The following HTT variants were observed in gnomAD, a reference collection of about 807,000 sequenced individuals.
The protein encoded by HTT is huntington disease protein.
HTT carries 104 observed loss-of-function variants against 362.3 expected under a neutral mutation model. The observed-to-expected ratio is 0.29, with a 90% CI of 0.24 to 0.34. The LOEUF (loss-of-function observed/expected upper bound fraction) is 0.34, where lower values mean the gene tolerates loss of function less well. Among genes scored for constraint, HTT ranks in the 10% least tolerant of loss-of-function variants. HTT has a pLI of 1.00. For synonymous variants in HTT, 1,577 were observed against 1,548.7 expected (o/e 1.02, Z -0.43); for missense variants, 3,301 against 3,928.6 (o/e 0.84, Z 4.27).
At position 3,087,030 on chromosome 4, in the gene HTT, C is replaced by G. The variant is rs765541508; in HGVS notation, c.347+8C>G. 2.0e-6 allele frequency: 3 copies of G among 1,495,328 alleles called. No individual in the cohort carries two copies. Among genetic ancestry groups the G allele is most frequent in the Admixed American group, 1.7e-5 (1 of 59,488 alleles). 92.6% of individuals were successfully genotyped at this position (1,495,328 alleles called of 1,614,324 possible). A position where few individuals can be genotyped will look rare whatever the true frequency, so the allele number is the denominator to read the frequency against. ...AGTGGCACAGTCTGTCAGGTAATTG[C>G]ACTTTGAACTGTCTAGAGAAAATAA... is the stretch of plus-strand genomic sequence containing the variant. On this transcript the variant is annotated splice_region_variant and intron_variant, in intron 2 of 66. Transcript: ENST00000355072.
chr4:3,127,616 GA>G lies in HTT; in HGVS notation c.1743+13del. 1 of 1,574,166 alleles carries G rather than the reference GA, an allele frequency of 6.4e-7. No individual in the cohort carries two copies. The highest frequency in any genetic ancestry group is 8.7e-7 in the Non-Finnish European group (1 of 1,147,132). The stretch of plus-strand genomic sequence containing the variant: ...ACAGTTCTGAAATTGTAAGTGGGCA[GA>G]GGGGCCTGACATCTTTTTTTTTATT... On this transcript the variant is annotated intron_variant, in intron 12 of 66. Transcript: ENST00000355072.
At chr4:3,100,820 CG>C (rs1286590638) in intron 3 of HTT, among the ~76,000 whole-genome samples, 1 of 152,186 alleles carries the variant, frequency 6.6e-6, no homozygotes, top group Non-Finnish European at 1.5e-5. Flanking sequence ...CTTGAGCTAC[CG>C]GGCTCAAGCT....
chr4:3,075,158 T>C (rs1712448886), intron 1 of HTT, 70 bp downstream of exon 1: 1 of 1,183,480 alleles, frequency 8.4e-7, no homozygotes, highest in Non-Finnish European at 1.0e-6. Flanking sequence ...GCGGTAACCC[T>C]GCAGCCTGCG....
intron 42 of HTT, among the ~76,000 whole-genome samples, 172 bp downstream of exon 42, chr4:3,204,320 G>C (rs976129786): frequency 2.6e-5 from 4 of 152,166 alleles, no homozygotes; most frequent in Admixed American, 6.5e-5. Context: ...CATATAATTG[G>C]AGACCAGGCC....
chr4:3,172,404 G>A lies in HTT; in HGVS notation c.3942+7G>A, dbSNP rs1012731075. The A allele has an allele frequency of 1.2e-5, 19 of 1,584,800 alleles. 2 individuals carry two copies. In the Admixed American group the frequency reaches 1.8e-4, roughly 15 times the overall value. On this transcript the variant is annotated splice_region_variant and intron_variant, in intron 30 of 66. Coordinates refer to ENST00000355072, the MANE Select transcript of HTT (RefSeq NM_001388492.1). ...AACTGTTTGTGTTCAACAAGTAAGA[G>A]CTTCATTCTTTTCCTCTTCTGTTAA...
At chr4:3,086,798 C>A in intron 1 of HTT, 141 bp from the exon 2 acceptor site, 2 of 543,958 alleles carry the variant, frequency 3.7e-6, no homozygotes, top group Non-Finnish European at 6.8e-6. Context: ...CTGTCCAGAT[C>A]CCCATTCTGC....
chr4:3,209,597 G>A (rs1249518602), intron 46 of HTT, among the ~76,000 whole-genome samples: 1 of 152,174 alleles, frequency 6.6e-6, no homozygotes, highest in Non-Finnish European at 1.5e-5. Flanking sequence ...AGGCCTATTG[G>A]AAGTTCACCA....
chr4:3,180,059 A>G (rs928216317), intron 35 of HTT, among the ~76,000 whole-genome samples: 3 of 152,234 alleles, frequency 2.0e-5, no homozygotes, highest in Admixed American at 6.5e-5. Flanking sequence ...TCCCTTATCT[A>G]TCTAATGACA....
chr4:3,109,788 T>C (rs1460631677), intron 6 of HTT, among the ~76,000 whole-genome samples: 1 of 152,158 alleles, frequency 6.6e-6, no homozygotes, highest in Non-Finnish European at 1.5e-5. Context: ...TGTACCTTCA[T>C]GGCCATAGCT....
At chr4:3,172,423 C>T in intron 30 of HTT, 26 bp downstream of exon 30, 1 of 1,484,872 alleles carries the variant, frequency 6.7e-7, no homozygotes, top group Non-Finnish European at 9.4e-7. Context: ...TTTTCCTCTT[C>T]TGTTAAGACG....
At chr4:3,079,374 A>C (rs1225925827) in intron 1 of HTT, among the ~76,000 whole-genome samples, 1 of 151,050 alleles carries the variant, frequency 6.6e-6, no homozygotes, top group Non-Finnish European at 1.5e-5. Flanking sequence ...CTCCCACCTC[A>C]ACCTCACAAT....
At position 3,181,001 on chromosome 4, in the gene HTT, C is replaced by A. The variant is rs192515726; in HGVS notation, c.4749+350C>A. Among the ~76,000 whole-genome samples, 58 of 151,690 alleles carry A rather than the reference C, an allele frequency of 3.8e-4. No individual in the cohort carries two copies. The East Asian group carries it at 0.01, about 27-fold the overall frequency. ...AAGCAATTCTCCTGCCTCCACCTCC[C>A]GAGTAGCTGGGATTACAGGCATGCA... On this transcript the variant is annotated intron_variant, in intron 36 of 66. Coordinates refer to ENST00000355072, the MANE Select transcript of HTT (RefSeq NM_001388492.1).
intron 29 of HTT, among the ~76,000 whole-genome samples, chr4:3,169,370 C>T (rs1231871629): frequency 6.6e-6 from 1 of 152,024 alleles, no homozygotes; most frequent in Non-Finnish European, 1.5e-5. Flanking sequence ...CTCCTTTTTT[C>T]CCTCTCTTAA....
chr4:3,206,448 C>T lies in HTT; in HGVS notation c.5719-48C>T. On this transcript the variant is annotated intron_variant, in intron 42 of 66. Coordinates refer to ENST00000355072, the MANE Select transcript of HTT (RefSeq NM_001388492.1). The surrounding 1 kb of genome is among the most constrained non-coding windows in gnomAD (Gnocchi z 4.6). ...CCTTTCTATGGCATTAATACCTGGTCTCTTCTTGTGTACTTGAAAATGAAT... is the reference window on the plus strand; with the variant it reads ...CCTTTCTATGGCATTAATACCTGGTTTCTTCTTGTGTACTTGAAAATGAAT... The T allele has an allele frequency of 1.3e-6, 2 of 1,481,748 alleles. No individual in the cohort carries two copies. Among genetic ancestry groups the T allele is most frequent in the Middle Eastern group, 1.7e-4 (1 of 5,774 alleles). The allele number at this position is 1,481,748 out of a possible 1,614,324, so 91.8% of individuals were successfully genotyped here.
chr4:3,174,424 C>G (rs1019022631), intron 31 of HTT, among the ~76,000 whole-genome samples: 1 of 152,236 alleles, frequency 6.6e-6, no homozygotes, highest in Non-Finnish European at 1.5e-5. Flanking sequence ...TCTCAAATCT[C>G]ACTTAAGACT....
In HTT at chr4:3,121,204, A is replaced by G. The variant is rs185461975; in HGVS notation, c.1069-24A>G. On this transcript the variant is annotated intron_variant, in intron 8 of 66. Coordinates refer to ENST00000355072, the MANE Select transcript of HTT (RefSeq NM_001388492.1). ...ATGCATTTTATAAACTCTGACCAGA[A>G]CACCTGTGTTTCTCTGTTTCTAGGT... is the stretch of plus-strand genomic sequence containing the variant. 5.2e-5 allele frequency: 82 copies of G among 1,579,566 alleles called. 1 individual carries two copies. In the East Asian group the frequency reaches 5.4e-4, roughly 10 times the overall value.
At chr4:3,211,808 A>C (rs1720172841) in intron 47 of HTT, 121 bp from the exon 48 acceptor site, 6 of 688,256 alleles carry the variant, frequency 8.7e-6, no homozygotes, top group Admixed American at 2.7e-5. Flanking sequence ...TTGATGGTAT[A>C]CCAATTTGTA....
At chr4:3,184,304 G>A (rs1718657501) in intron 37 of HTT, among the ~76,000 whole-genome samples, 1 of 152,094 alleles carries the variant, frequency 6.6e-6, no homozygotes, top group East Asian at 1.9e-4. Flanking sequence ...AGCAATGAGG[G>A]TGGAGGAGTG....
chr4:3,106,594 T>G (rs150656194), intron 5 of HTT, among the ~76,000 whole-genome samples: 2 of 152,292 alleles, frequency 1.3e-5, no homozygotes, highest in African/African-American at 4.8e-5. Flanking sequence ...TAGATAGAGA[T>G]TCCAGACTCG....
Sources: allele counts gnomAD v4.1 joint callset (sites outside exome capture counted in the v4.1 genomes callset), GRCh38; gene constraint gnomAD v4.1.1; non-coding constraint Gnocchi (gnomAD v3.1); transcripts MANE v1.5; gene names NCBI Gene and HGNC (gene_info 2026-07-23, HGNC 2026-07-21).